Variants in BTC observed in about 807,000 individuals in gnomAD.
BTC encodes probetacellulin.
A neutral mutation model predicts 18.1 loss-of-function variants in BTC; 13 were observed. The ratio of observed to expected loss-of-function variants is 0.72; its 90% CI spans 0.47 to 1.14. The LOEUF is 1.14. BTC is among the 50% of genes most tolerant of loss of function. BTC has a pLI of 0.00. For missense variants in BTC, 247 were observed against 224.2 expected (o/e 1.10, Z -0.65); for synonymous variants, 83 against 79.4 (o/e 1.05, Z -0.24).
At chr4:74,781,396 T>TGTGTGTGTGTGTGC (rs1553958998) in intron 1 of BTC, among the ~76,000 whole-genome samples, 105 of 151,130 alleles carry the variant, frequency 6.9e-4, no homozygotes, top group African/African-American at 1.2e-3. Flanking sequence ...TGTGTGTGTG[T>TGTGTGTGTGTGTGC]GTGTGTGTGT....
intron 2 of BTC, among the ~76,000 whole-genome samples, chr4:74,759,681 G>A (rs1397428707): frequency 6.6e-6 from 1 of 151,456 alleles, no homozygotes; most frequent in Non-Finnish European, 1.5e-5. Flanking sequence ...GAAACCTTTA[G>A]GGTTACTGCA....
chr4:74,755,733 G>T, intron 3 of BTC, 126 bp downstream of exon 3: 1 of 850,036 alleles, frequency 1.2e-6, no homozygotes, highest in Non-Finnish European at 1.9e-6. Flanking sequence ...AGTGGCTGGG[G>T]GCAGGACCAG....
At position 74,752,849 on chromosome 4, in the gene BTC, T is replaced by C. The variant is rs186072853; in HGVS notation, c.282-2130A>G. 2.0e-5 allele frequency among the ~76,000 whole-genome samples: 3 copies of C among 152,350 alleles called. No individual in the cohort carries two copies. The East Asian group carries it at 5.8e-4, about 29-fold the overall frequency. On this transcript the variant is annotated intron_variant, in intron 3 of 5. Transcript: ENST00000395743. ...GCTTTGTCCATAAAATGCATGGCAATTATTTTCTACTCTTTTAGAATGTTT... is the reference window on the plus strand; with the variant it reads ...GCTTTGTCCATAAAATGCATGGCAACTATTTTCTACTCTTTTAGAATGTTT...
rs78239695 is a variant in BTC at position 74,769,094 on chromosome 4, G to C, written c.163+964C>G. Among the ~76,000 whole-genome samples the C allele has an allele frequency of 4.6e-5, 7 of 152,206 alleles. No homozygotes were observed. In the East Asian group the frequency reaches 1.4e-3, roughly 29 times the overall value. ...ACTTGCTCAGTGTGTTCCTGGCTCT[G>C]TTACAACTTCCCGAGGGTGCTAGGA... is the stretch of plus-strand genomic sequence containing the variant. On this transcript the variant is annotated intron_variant, in intron 2 of 5. Transcript: ENST00000395743.
chr4:74,769,924 A>C (rs769060728), intron 2 of BTC, 134 bp downstream of exon 2: 8 of 637,748 alleles, frequency 1.3e-5, no homozygotes, highest in African/African-American at 3.9e-5. Flanking sequence ...GTAGTGATTA[A>C]TTACTGTATA....
At chr4:74,752,304 G>A (rs1553956252) in intron 3 of BTC, among the ~76,000 whole-genome samples, 1 of 151,686 alleles carries the variant, frequency 6.6e-6, no homozygotes, top group African/African-American at 2.4e-5. Context: ...AAAATTACAG[G>A]AAGAGAGCTT....
intron 2 of BTC, among the ~76,000 whole-genome samples, chr4:74,769,057 C>T (rs1724972223): frequency 6.6e-6 from 1 of 152,114 alleles, no homozygotes; most frequent in African/African-American, 2.4e-5. Flanking sequence ...ACTGATGACT[C>T]ACATCAGGAA....
Position 74,794,298 on chromosome 4 carries a change from C to G in BTC, c.28G>C (p.Ala10Pro). 6.5e-7 allele frequency: 1 copy of G among 1,548,840 alleles called. No homozygotes were observed. The highest frequency in any genetic ancestry group is 2.4e-5 in the East Asian group (1 of 40,830). Reference protein sequence around the residue: MDRAARCSGASSLPLLLALA... With the variant: MDRAARCSGPSSLPLLLALA... ...GCCAGGAGCAGTGGCAGGGAGCTGGCGCCGCTGCACCGGGCGGCCCGGTCC... is the reference window on the plus strand; with the variant it reads ...GCCAGGAGCAGTGGCAGGGAGCTGGGGCCGCTGCACCGGGCGGCCCGGTCC... The change falls in exon 1 of 6, where the codon GCC (alanine) becomes CCC (proline). Residue 10 changes from alanine to proline, a missense_variant. Coordinates refer to ENST00000395743, the MANE Select transcript of BTC (RefSeq NM_001729.4).
At position 74,794,521 on chromosome 4, in the gene BTC, A is replaced by C; in HGVS notation, c.-196T>G. On this transcript the variant is annotated 5_prime_UTR_variant, in exon 1 of 6. In the 5' UTR this introduces an upstream ATG that the reference lacks. Transcript: ENST00000395743. ...GGGCGGGAGGCCGGCCGGCTCCGTG[A>C]ATGTCGCCGGGAGGAGGGAGCCTCC... 1 of 609,078 alleles carries C rather than the reference A, an allele frequency of 1.6e-6. No individual in the cohort carries two copies. Among genetic ancestry groups the C allele is most frequent in the South Asian group, 2.1e-5 (1 of 48,762 alleles). 37.7% of individuals were successfully genotyped at this position (609,078 alleles called of 1,614,324 possible).
At chr4:74,769,775 C>T (rs758901689) in intron 2 of BTC, among the ~76,000 whole-genome samples, 2 of 152,148 alleles carry the variant, frequency 1.3e-5, no homozygotes, top group African/African-American at 2.4e-5. Context: ...ACTGGAGGCT[C>T]TAGAATCAGA....
rs771529673 is a variant in BTC, at chr4:74,793,673, T to G, written c.64+589A>C. Among the ~76,000 whole-genome samples, 48 of 152,230 alleles carry G rather than the reference T, an allele frequency of 3.2e-4. 1 individual carries two copies. The highest frequency in any genetic ancestry group is 5.1e-4 in the Non-Finnish European group (35 of 68,000). On this transcript the variant is annotated intron_variant, in intron 1 of 5. Transcript: ENST00000395743. Reference sequence around the variant, plus strand: ...CACATCTGAAGTTCCAGCTCTGCTTTGTGAGTTCTGACTCCTAAGGAGGCA... The same window carrying G: ...CACATCTGAAGTTCCAGCTCTGCTTGGTGAGTTCTGACTCCTAAGGAGGCA...
chr4:74,749,855 G>A (rs1724410671), intron 4 of BTC, among the ~76,000 whole-genome samples: 2 of 148,364 alleles, frequency 1.3e-5, no homozygotes, highest in Non-Finnish European at 3.0e-5. Flanking sequence ...CGCTACTCAA[G>A]AGGCTGAGGC....
In BTC at chr4:74,762,122, C is replaced by T. The variant is rs181824631; in HGVS notation, c.164-6146G>A. 5.9e-5 allele frequency among the ~76,000 whole-genome samples: 9 copies of T among 152,244 alleles called. No homozygotes were observed. In the East Asian group the frequency reaches 1.3e-3, roughly 23 times the overall value. On this transcript the variant is annotated intron_variant, in intron 2 of 5. Transcript: ENST00000395743. ...CAGTACATAAGATCTGTTCCTGCAC[C>T]GTATTTATTTATTTTTCAAGAACCC...
Position 74,750,736 on chromosome 4 carries a change from G to A in BTC, c.282-17C>T, listed in dbSNP as rs782487420. On this transcript the variant is annotated splice_polypyrimidine_tract_variant and intron_variant, in intron 3 of 5. Coordinates refer to ENST00000395743, the MANE Select transcript of BTC (RefSeq NM_001729.4). Reference sequence around the variant, plus strand: ...TCATCACAGCTATAAAACAAGACGAGGGCAAGGAAGTAAAACTTGCAAGAC... The same window carrying A: ...TCATCACAGCTATAAAACAAGACGAAGGCAAGGAAGTAAAACTTGCAAGAC... 6 of 1,603,484 alleles carry A rather than the reference G, an allele frequency of 3.7e-6. No homozygotes were observed. Among genetic ancestry groups the A allele is most frequent in the South Asian group, 2.3e-5 (2 of 88,034 alleles).
In BTC at chr4:74,784,164, G is replaced by A. The variant is rs1295702047; in HGVS notation, c.64+10098C>T. Reference sequence around the variant, plus strand: ...GGAGAATTGCTTGAACCTGGGAGGCGGAGGTTGCAGTGAGCTGAGATAGTG... The same window carrying A: ...GGAGAATTGCTTGAACCTGGGAGGCAGAGGTTGCAGTGAGCTGAGATAGTG... On this transcript the variant is annotated intron_variant, in intron 1 of 5. Coordinates refer to ENST00000395743, the MANE Select transcript of BTC (RefSeq NM_001729.4). 4.0e-5 allele frequency among the ~76,000 whole-genome samples: 6 copies of A among 151,098 alleles called. No homozygotes were observed. In the East Asian group the frequency reaches 9.7e-4, roughly 24 times the overall value.
chr4:74,750,358 T>G (rs1275391722), intron 4 of BTC, among the ~76,000 whole-genome samples: 1 of 152,204 alleles, frequency 6.6e-6, no homozygotes, highest in East Asian at 1.9e-4. Context: ...AAATTTTATT[T>G]TAAATTACAA....
intron 1 of BTC, among the ~76,000 whole-genome samples, chr4:74,782,812 T>C (rs1725368962): frequency 6.6e-6 from 1 of 152,186 alleles, no homozygotes; most frequent in South Asian, 2.1e-4. Flanking sequence ...GTGAAAATGG[T>C]ATCTCATTGT....
chr4:74,767,860 C>T (rs1223363824), intron 2 of BTC, among the ~76,000 whole-genome samples: 1 of 151,926 alleles, frequency 6.6e-6, no homozygotes, highest in Non-Finnish European at 1.5e-5. Flanking sequence ...ATTGGACCCG[C>T]TTGTTATACA....
chr4:74,782,461 C>T (rs1035345974), intron 1 of BTC, among the ~76,000 whole-genome samples: 22 of 152,228 alleles, frequency 1.4e-4, no homozygotes, highest in Admixed American at 3.3e-4. Flanking sequence ...CATAGTATTC[C>T]GTGTTGTATA....
Sources: gnomAD v4.1 joint callset for allele counts (sites outside exome capture counted in the v4.1 genomes callset) on GRCh38, gnomAD v4.1.1 for gene constraint, MANE v1.5 for transcripts, NCBI Gene and HGNC (gene_info 2026-07-23, HGNC 2026-07-21) for gene names.